The following FBXO45 variants were observed in gnomAD, a reference collection of about 807,000 sequenced individuals.
FBXO45 encodes F-box protein 45, also known as F-box/SPRY domain-containing protein 1.
In FBXO45, 3 loss-of-function variants were observed where a neutral mutation model predicts 25.5. The ratio of observed to expected loss-of-function variants is 0.12; its 90% CI spans 0.05 to 0.30. The LOEUF is 0.30. Ranked by LOEUF, FBXO45 falls within the 10% of genes least tolerant of loss-of-function variation. FBXO45 has a pLI of 1.00. For missense variants in FBXO45, 219 were observed against 365.0 expected, an observed-to-expected ratio of 0.60 and a Z score of 3.26; for synonymous variants, 155 against 149.8, an observed-to-expected ratio of 1.03 and a Z score of -0.25.
chr3:196,576,624 T>C (rs1012678455), intron 1 of FBXO45, among the ~76,000 whole-genome samples: 8 of 152,244 alleles, frequency 5.3e-5, no homozygotes, highest in African/African-American at 1.4e-4. Flanking sequence ...AGAAGAGCTA[T>C]TTTCATACCC....
chr3:196,577,442 C>T lies in FBXO45; in HGVS notation c.319-11C>T. The T allele has an allele frequency of 6.5e-7, 1 of 1,531,820 alleles. No individual in the cohort carries two copies. The highest frequency in any genetic ancestry group is 8.9e-7 in the Non-Finnish European group (1 of 1,128,046). The allele number at this position is 1,531,820 out of a possible 1,614,324, so 94.9% of individuals were successfully genotyped here. A position where few individuals can be genotyped will look rare whatever the true frequency, so the allele number is the denominator to read the frequency against. ...ATTGTTATTTATTTGGTCTGTTTTT[C>T]ATCTTTTTAGATACGTGCTTTTCAA... is the stretch of plus-strand genomic sequence containing the variant. On this transcript the variant is annotated splice_polypyrimidine_tract_variant and intron_variant, in intron 1 of 2. Coordinates refer to ENST00000311630, the MANE Select transcript of FBXO45 (RefSeq NM_001105573.2).
intron 2 of FBXO45, among the ~76,000 whole-genome samples, chr3:196,582,294 C>T (rs145879389): frequency 3.3e-5 from 5 of 152,220 alleles, no homozygotes; most frequent in East Asian, 1.9e-4. Flanking sequence ...AATACAAATA[C>T]GACACAACAC....
chr3:196,583,201 A>G (rs780679422), intron 2 of FBXO45, among the ~76,000 whole-genome samples: 5 of 152,132 alleles, frequency 3.3e-5, no homozygotes, highest in Non-Finnish European at 7.4e-5. Context: ...ATTTCTGTTT[A>G]TGGCTGAATA....
chr3:196,573,971 T>A (rs1403183046), intron 1 of FBXO45, among the ~76,000 whole-genome samples: 1 of 145,290 alleles, frequency 6.9e-6, no homozygotes, highest in Non-Finnish European at 1.5e-5. Flanking sequence ...AGAGTCTTGC[T>A]CTGTTGCCCA....
chr3:196,578,800 A>AT lies in FBXO45; in HGVS notation c.675+1002dup, dbSNP rs34925757. Among the ~76,000 whole-genome samples, 193 of 148,738 alleles carry AT rather than the reference A, an allele frequency of 1.3e-3. 1 individual carries two copies. Among genetic ancestry groups the AT allele is most frequent in the Middle Eastern group, 3.5e-3 (1 of 288 alleles). ...TAAAACATTATGAGATTTTTTTGCA[A>AT]TTTTTTTTTTTAAAGCTGATTAGCT... On this transcript the variant is annotated intron_variant, in intron 2 of 2. Coordinates refer to ENST00000311630, the MANE Select transcript of FBXO45 (RefSeq NM_001105573.2).
chr3:196,578,789 A>AT (rs34009493), intron 2 of FBXO45, among the ~76,000 whole-genome samples: 1 of 151,778 alleles, frequency 6.6e-6, no homozygotes. Context: ...ACATTATGAG[A>AT]TTTTTTTGCA....
intron 2 of FBXO45, among the ~76,000 whole-genome samples, chr3:196,581,409 T>C (rs1736010986): frequency 6.6e-6 from 1 of 151,134 alleles, no homozygotes; most frequent in Non-Finnish European, 1.5e-5. Flanking sequence ...TTTTGTATTT[T>C]TAGTAGAGAT....
chr3:196,583,993 C>T lies in FBXO45; in HGVS notation c.676-140C>T, dbSNP rs1736061631. 25 of 778,352 alleles carry T rather than the reference C, an allele frequency of 3.2e-5. 1 individual carries two copies. The South Asian group carries it at 4.6e-4, about 14-fold the overall frequency. The allele number at this position is 778,352 out of a possible 1,614,324, so 48.2% of individuals were successfully genotyped here. ...TTTTTTTATAGATGTTTCTTCCTGA[C>T]TAGAAAGCTTCCCTTCTGATTTTTC... is the stretch of plus-strand genomic sequence containing the variant. On this transcript the variant is annotated intron_variant, in intron 2 of 2. Transcript: ENST00000311630.
At position 196,568,976 on chromosome 3, in the gene FBXO45, G is replaced by A. The variant is rs1156877326; in HGVS notation, c.-9G>A. 1.3e-5 allele frequency: 13 copies of A among 990,846 alleles called. No homozygotes were observed. Among genetic ancestry groups the A allele is most frequent in the Non-Finnish European group, 1.6e-5 (13 of 834,098 alleles). 61.4% of individuals were successfully genotyped at this position (990,846 alleles called of 1,614,324 possible). ...GGCAGCGGCGGCCCTAGGGCCGGCT[G>A]GTGAGGCGATGGCGGCGCCGGCCCC... On this transcript the variant is annotated 5_prime_UTR_variant, in exon 1 of 3. Coordinates refer to ENST00000311630, the MANE Select transcript of FBXO45 (RefSeq NM_001105573.2).
intron 2 of FBXO45, among the ~76,000 whole-genome samples, chr3:196,581,929 G>GT (rs1736018017): frequency 6.6e-6 from 1 of 152,202 alleles, no homozygotes; most frequent in Non-Finnish European, 1.5e-5. Flanking sequence ...TGTCTGCTCA[G>GT]TTTTTTCAGC....
rs1172714719 is a variant in FBXO45, at chr3:196,569,230, G to A, written c.246G>A (p.Leu82=). ...AGAACAGCGAGGTGTGGCGGAGCCT[G>A]TGCGCCCGCAGCCTGGCAGAAGAGG... ...GDENSEVWRS[L]CARSLAEEAL... The change falls in exon 1 of 3, where the codon CTG becomes CTA. Residue 82 remains leucine (L), a synonymous_variant. Transcript: ENST00000311630. The surrounding 1 kb of genome is among the most constrained non-coding windows in gnomAD (Gnocchi z 4.1). 6.3e-6 allele frequency: 10 copies of A among 1,581,288 alleles called. No homozygotes were observed. The highest frequency in any genetic ancestry group is 2.7e-5 in the African/African-American group (2 of 74,128).
At chr3:196,572,329 A>C (rs1735842475) in intron 1 of FBXO45, among the ~76,000 whole-genome samples, 1 of 152,246 alleles carries the variant, frequency 6.6e-6, no homozygotes, top group Non-Finnish European at 1.5e-5. Flanking sequence ...TTAATCAAAT[A>C]ATCACACAGA....
Position 196,587,125 on chromosome 3 carries a change from A to G in FBXO45, c.*2807A>G, listed in dbSNP as rs542605575. On this transcript the variant is annotated 3_prime_UTR_variant, in exon 3 of 3. Transcript: ENST00000311630. Reference sequence around the variant, plus strand: ...TCTTTGGTTGGTTAACGAAGCATGCAGATGTGGAAGCAGACGTTACTATTA... The same window carrying G: ...TCTTTGGTTGGTTAACGAAGCATGCGGATGTGGAAGCAGACGTTACTATTA... The G allele has an allele frequency of 2.6e-5, 4 of 152,324 alleles. No individual in the cohort carries two copies. The South Asian group carries it at 8.3e-4, about 32-fold the overall frequency. 9.4% of individuals were successfully genotyped at this position (152,324 alleles called of 1,614,324 possible). A position where few individuals can be genotyped will look rare whatever the true frequency, so the allele number is the denominator to read the frequency against.
intron 2 of FBXO45, among the ~76,000 whole-genome samples, chr3:196,583,115 C>G (rs1170232231): frequency 6.6e-6 from 1 of 152,134 alleles, no homozygotes; most frequent in African/African-American, 2.4e-5. Context: ...TACCATTTAG[C>G]CTTTTGTGTC....
At chr3:196,570,489 G>A (rs1735795909) in intron 1 of FBXO45, among the ~76,000 whole-genome samples, 1 of 151,974 alleles carries the variant, frequency 6.6e-6, no homozygotes, top group South Asian at 2.1e-4. Context: ...CGCCCTCCTC[G>A]GCCTCCCAGA....
At chr3:196,580,803 G>A (rs1175259490) in intron 2 of FBXO45, among the ~76,000 whole-genome samples, 2 of 148,074 alleles carry the variant, frequency 1.4e-5, no homozygotes, top group Non-Finnish European at 3.0e-5. Flanking sequence ...ATAGGGTCTC[G>A]CTCTGACACC....
At chr3:196,576,539 C>A (rs765933362) in intron 1 of FBXO45, among the ~76,000 whole-genome samples, 1 of 152,018 alleles carries the variant, frequency 6.6e-6, no homozygotes, top group Non-Finnish European at 1.5e-5. Context: ...CAGAGTGAGA[C>A]GTTGTCTAAA....
rs1046249194 is a variant in FBXO45, at chr3:196,587,172, A to C, written c.*2854A>C. 1 of 152,214 alleles carries C rather than the reference A, an allele frequency of 6.6e-6. No homozygotes were observed. The highest frequency in any genetic ancestry group is 1.5e-5 in the Non-Finnish European group (1 of 68,030). The allele number at this position is 152,214 out of a possible 1,614,324, so 9.4% of individuals were successfully genotyped here. A position where few individuals can be genotyped will look rare whatever the true frequency, so the allele number is the denominator to read the frequency against. On this transcript the variant is annotated 3_prime_UTR_variant, in exon 3 of 3. Transcript: ENST00000311630. ...ATTATCCCTACTATGGTCTTCTGTC[A>C]TACTGAGACAGGCTGTTTTAATTAC...
intron 1 of FBXO45, among the ~76,000 whole-genome samples, chr3:196,576,103 TTC>T (rs1197316665): frequency 6.6e-6 from 1 of 152,212 alleles, no homozygotes; most frequent in Non-Finnish European, 1.5e-5. Context: ...AAACAAATAG[TTC>T]TCTGTTTTTA....
Sources: allele counts gnomAD v4.1 joint callset (sites outside exome capture counted in the v4.1 genomes callset), GRCh38; gene constraint gnomAD v4.1.1; non-coding constraint Gnocchi (gnomAD v3.1); transcripts MANE v1.5; gene names NCBI Gene and HGNC (gene_info 2026-07-23, HGNC 2026-07-21).